Variants in DLG2 observed in about 807,000 individuals in gnomAD.
DLG2 encodes disks large homolog 2.
Under a neutral mutation model 132.5 loss-of-function variants are expected in DLG2, and 45 were observed. That is an observed-to-expected ratio of 0.34 (90% CI 0.27 to 0.44). DLG2 has a LOEUF of 0.44. Among genes scored for constraint, DLG2 ranks in the 20% least tolerant of loss-of-function variants. The pLI, the probability that DLG2 is intolerant of heterozygous loss-of-function variation, is 1.00. For missense variants in DLG2, 1,045 were observed against 1,196.9 expected, an observed-to-expected ratio of 0.87 and a Z score of 1.87; for synonymous variants, 424 against 419.6, an observed-to-expected ratio of 1.01 and a Z score of -0.13.
At chr11:83,730,452 C>T (rs1388876221) in intron 18 of DLG2, among the ~76,000 whole-genome samples, 1 of 152,072 alleles carries the variant, frequency 6.6e-6, no homozygotes, top group Non-Finnish European at 1.5e-5. Context: ...GAGCTAAAGA[C>T]AATCAAGAAG....
intron 6 of DLG2, among the ~76,000 whole-genome samples, chr11:84,755,115 A>C (rs1483710479): frequency 6.6e-6 from 1 of 152,206 alleles, no homozygotes; most frequent in East Asian, 1.9e-4. Context: ...ATTTAAAACA[A>C]CACAAACTTA....
intron 3 of DLG2, among the ~76,000 whole-genome samples, chr11:85,411,215 C>A (rs760958948): frequency 1.3e-5 from 2 of 151,624 alleles, no homozygotes; most frequent in Non-Finnish European, 2.9e-5. Flanking sequence ...TTATTACATG[C>A]ATGCAGTGTA....
chr11:84,883,765 T>C (rs1315943035), intron 6 of DLG2, among the ~76,000 whole-genome samples: 2 of 152,130 alleles, frequency 1.3e-5, no homozygotes, highest in African/African-American at 4.8e-5. Context: ...GAGTTTCTTC[T>C]GGAGGCTTTG....
intron 15 of DLG2, among the ~76,000 whole-genome samples, chr11:83,884,625 G>A (rs1001258120): frequency 6.6e-6 from 1 of 152,186 alleles, no homozygotes; most frequent in South Asian, 2.1e-4. Flanking sequence ...GAGATCTGAG[G>A]ACGGGCAGAC....
rs79083879 is a variant in DLG2, at chr11:84,384,706, C to A, written c.520-133415G>T. Among the ~76,000 whole-genome samples, 423 of 151,998 alleles carry A rather than the reference C, an allele frequency of 2.8e-3. 17 individuals are homozygous for A. In the East Asian group the frequency reaches 0.064, roughly 23 times the overall value. ...AAGATAACTCCGAAATGCATTCTCA[C>A]GAACCCTACATATTCCTTTAAATAA... On this transcript the variant is annotated intron_variant, in intron 7 of 27. Transcript: ENST00000376104.
chr11:84,070,171 C>G (rs1266982481), intron 10 of DLG2, among the ~76,000 whole-genome samples: 1 of 152,170 alleles, frequency 6.6e-6, no homozygotes, highest in African/African-American at 2.4e-5. Context: ...TTTGTATTAC[C>G]AGTGTCAGGT....
intron 6 of DLG2, among the ~76,000 whole-genome samples, chr11:84,881,738 A>G (rs184658509): frequency 1.3e-5 from 2 of 152,240 alleles, no homozygotes; most frequent in East Asian, 1.9e-4. Context: ...GCAGACTGTG[A>G]TACTGTAATG....
chr11:84,576,626 G>A (rs543178159), intron 6 of DLG2, among the ~76,000 whole-genome samples: 3 of 152,298 alleles, frequency 2.0e-5, no homozygotes, highest in Non-Finnish European at 2.9e-5. Flanking sequence ...GCAACAGCAA[G>A]TGCACAAAAA....
At chr11:84,920,882 T>C (rs1407871446) in intron 6 of DLG2, among the ~76,000 whole-genome samples, 2 of 152,118 alleles carry the variant, frequency 1.3e-5, no homozygotes, top group Non-Finnish European at 2.9e-5. Context: ...ACATTAGTGG[T>C]CTATTGTGTG....
At chr11:84,168,977 C>A (rs1355884070) in intron 8 of DLG2, among the ~76,000 whole-genome samples, 3 of 152,126 alleles carry the variant, frequency 2.0e-5, no homozygotes, top group Admixed American at 6.5e-5. Context: ...CTTGACCTTA[C>A]ATACAGTGTG....
At chr11:84,677,105 A>G (rs924065815) in intron 6 of DLG2, among the ~76,000 whole-genome samples, 1 of 152,068 alleles carries the variant, frequency 6.6e-6, no homozygotes, top group Non-Finnish European at 1.5e-5. Context: ...TTGACAATAC[A>G]AAGAAGAAAA....
chr11:83,983,321 C>T (rs185828621), intron 11 of DLG2, among the ~76,000 whole-genome samples: 9 of 152,106 alleles, frequency 5.9e-5, no homozygotes, highest in African/African-American at 1.9e-4. Context: ...TGACTACAGA[C>T]ATAATTTCTA....
chr11:84,518,299 G>A (rs576514594), intron 7 of DLG2, among the ~76,000 whole-genome samples: 9 of 151,796 alleles, frequency 5.9e-5, no homozygotes, highest in Admixed American at 2.0e-4. Context: ...TTTTAACAAC[G>A]TGCAAGACAG....
At chr11:83,485,871 T>A (rs1430422839) in intron 21 of DLG2, among the ~76,000 whole-genome samples, 1 of 152,178 alleles carries the variant, frequency 6.6e-6, no homozygotes, top group Non-Finnish European at 1.5e-5. Flanking sequence ...AATTCATTAC[T>A]TTTTTAGGTA....
At chr11:83,493,338 TC>T (rs1454299369) in intron 21 of DLG2, among the ~76,000 whole-genome samples, 56 of 5,540 alleles carry the variant, frequency 0.01, no homozygotes, top group Middle Eastern at 0.062. Flanking sequence ...TTTCTTTCTT[TC>T]CTTCCTTCCT....
At chr11:83,724,474 T>TGAGAGAGAGAGAGAGAGA (rs780541498) in intron 18 of DLG2, among the ~76,000 whole-genome samples, 12 of 103,426 alleles carry the variant, frequency 1.2e-4, no homozygotes, top group African/African-American at 3.1e-4. Flanking sequence ...TGTGTGTGTG[T>TGAGAGAGAGAGAGAGAGA]GTGAGAGAGA....
chr11:83,774,013 C>T (rs2094494709), intron 18 of DLG2, among the ~76,000 whole-genome samples: 1 of 152,178 alleles, frequency 6.6e-6, no homozygotes, highest in Non-Finnish European at 1.5e-5. Context: ...CAAGACCAAA[C>T]ATGAAAAACA....
At chr11:84,470,401 A>T (rs1280392880) in intron 7 of DLG2, among the ~76,000 whole-genome samples, 4 of 151,748 alleles carry the variant, frequency 2.6e-5, no homozygotes, top group Non-Finnish European at 5.9e-5. Flanking sequence ...GGTACTAAAG[A>T]TCTAGAAATA....
chr11:84,971,405 T>G (rs570886412), intron 6 of DLG2, among the ~76,000 whole-genome samples: 1 of 152,290 alleles, frequency 6.6e-6, no homozygotes, highest in African/African-American at 2.4e-5. Context: ...TATGAATACA[T>G]TGTGAGTTAT....
Sources: allele counts gnomAD v4.1 joint callset (sites outside exome capture counted in the v4.1 genomes callset), GRCh38; gene constraint gnomAD v4.1.1; transcripts MANE v1.5; gene names NCBI Gene and HGNC (gene_info 2026-07-23, HGNC 2026-07-21).